ACACB: variants seen among roughly 807,000 people sequenced by gnomAD.
ACACB encodes acetyl-CoA carboxylase 2.
A neutral mutation model predicts 278.8 loss-of-function variants in ACACB; 209 were observed. That is an observed-to-expected ratio of 0.75 (90% CI 0.67 to 0.84). ACACB has a LOEUF of 0.84. ACACB is among the 40% of genes least tolerant of loss of function. ACACB has a pLI of 0.00. For synonymous variants in ACACB, 1,174 were observed against 1,285.6 expected, an observed-to-expected ratio of 0.91 and a Z score of 1.86; for missense variants, 2,850 against 3,269.0, an observed-to-expected ratio of 0.87 and a Z score of 3.13.
chr12:109,226,691 C>T (rs2046322126), intron 27 of ACACB, among the ~76,000 whole-genome samples: 1 of 139,726 alleles, frequency 7.2e-6, no homozygotes. Context: ...AAGAACAAAA[C>T]TCCATCTCAA....
At position 109,246,311 on chromosome 12, in the gene ACACB, CG is replaced by C; in HGVS notation, c.5437del (p.Ala1813HisfsTer52). 4 of 1,611,996 alleles carry C rather than the reference CG, an allele frequency of 2.5e-6. No homozygotes were observed. Among genetic ancestry groups the C allele is most frequent in the Non-Finnish European group, 3.4e-6 (4 of 1,179,574 alleles). On this transcript the variant is annotated frameshift_variant, in exon 39 of 53. Transcript: ENST00000338432. LOFTEE classifies it high-confidence loss of function. ...FGPGEDLLYL[R>X]ASEMARAEGI... ...CCCTGGAGAGGACCTTCTGTACCTG[CG>C]GGCATCCGAGATGGCCCGGGCAGAG... is the stretch of plus-strand genomic sequence containing the variant.
At chr12:109,144,738 T>TTC (rs2043197346) in intron 2 of ACACB, among the ~76,000 whole-genome samples, 3 of 118,334 alleles carry the variant, frequency 2.5e-5, no homozygotes, top group African/African-American at 6.4e-5. Context: ...TTCTTTTTCT[T>TTC]TTTCTTTCTT....
intron 2 of ACACB, among the ~76,000 whole-genome samples, chr12:109,151,244 A>G (rs1165301153): frequency 1.3e-5 from 2 of 152,004 alleles, no homozygotes; most frequent in Non-Finnish European, 2.9e-5. Flanking sequence ...TGGCCTCCCA[A>G]AGTGCTGGGA....
chr12:109,252,153 C>T lies in ACACB; in HGVS notation c.5898C>T (p.Asn1966=). The change falls in exon 42 of 53, where the codon AAC becomes AAT. Residue 1966 remains asparagine, a synonymous_variant. Coordinates refer to ENST00000338432, the MANE Select transcript of ACACB (RefSeq NM_001093.4). ...HIILTGASAL[N]KVLGREVYTS... ...TCCTCACAGGAGCAAGTGCTCTCAA[C>T]AAGGTGACCAAAAAGGGGCCTGTGC... The T allele has an allele frequency of 6.2e-7, 1 of 1,607,262 alleles. No homozygotes were observed.
intron 19 of ACACB, among the ~76,000 whole-genome samples, chr12:109,202,138 C>T (rs1317449637): frequency 6.6e-6 from 1 of 152,078 alleles, no homozygotes; most frequent in East Asian, 1.9e-4. Context: ...AATGTCTTCC[C>T]CTCAATGAGG....
rs558809374 is a variant in ACACB, at chr12:109,164,395, G to C, written c.654-2466G>C. On this transcript the variant is annotated intron_variant, in intron 2 of 52. Transcript: ENST00000338432. ...TTACAGGTGCACAACTCTGTGTCTG[G>C]ATAACTTCTGTATTTTTAGTAGAGA... is the stretch of plus-strand genomic sequence containing the variant. Among the ~76,000 whole-genome samples the C allele has an allele frequency of 3.3e-5, 5 of 152,138 alleles. No individual in the cohort carries two copies. In the South Asian group the frequency reaches 1.0e-3, roughly 32 times the overall value.
intron 42 of ACACB, 114 bp from the exon 43 acceptor site, chr12:109,252,901 C>T (rs2047133274): frequency 9.4e-7 from 1 of 1,067,554 alleles, no homozygotes; most frequent in Non-Finnish European, 1.3e-6. Context: ...TTTGTGAAAT[C>T]TCCTGGGTGA....
At chr12:109,257,224 A>G (rs1019364941) in intron 45 of ACACB, among the ~76,000 whole-genome samples, 1 of 152,112 alleles carries the variant, frequency 6.6e-6, no homozygotes, top group Non-Finnish European at 1.5e-5. Flanking sequence ...CAGTGAGCCG[A>G]GATTGCGCCA....
In ACACB at chr12:109,258,415, G is replaced by A. The variant is rs1216405029; in HGVS notation, c.6360+51G>A. ...CTGGTTTAGCCAGCGGTACTGTCGA[G>A]AGTGGGTCCTGGGCGTGGGGGTCCC... On this transcript the variant is annotated intron_variant, in intron 46 of 52. Transcript: ENST00000338432. 78 of 1,506,118 alleles carry A rather than the reference G, an allele frequency of 5.2e-5. 1 individual carries two copies. In the Admixed American group the frequency reaches 1.4e-3, roughly 27 times the overall value. 93.3% of individuals were successfully genotyped at this position (1,506,118 alleles called of 1,614,324 possible).
chr12:109,262,296 T>G, intron 48 of ACACB, 61 bp from the exon 49 acceptor site: 3 of 1,358,720 alleles, frequency 2.2e-6, no homozygotes, highest in Non-Finnish European at 3.1e-6. Flanking sequence ...CCCACATCCA[T>G]TAGCCCTTGC....
chr12:109,265,329 G>A (rs969185762), intron 51 of ACACB, 49 bp downstream of exon 51: 4 of 1,610,324 alleles, frequency 2.5e-6, no homozygotes, highest in African/African-American at 2.7e-5. Flanking sequence ...GGTGCTGGGG[G>A]CTGAGACAGC....
Position 109,267,967 on chromosome 12 carries a change from A to G in ACACB, c.*1605A>G, listed in dbSNP as rs1024894301. 6.6e-6 allele frequency: 1 copy of G among 150,934 alleles called. No individual in the cohort carries two copies. The highest frequency in any genetic ancestry group is 1.5e-5 in the Non-Finnish European group (1 of 67,968). 9.3% of individuals were successfully genotyped at this position (150,934 alleles called of 1,614,324 possible). A position where few individuals can be genotyped will look rare whatever the true frequency, so the allele number is the denominator to read the frequency against. Reference sequence around the variant, plus strand: ...AAGTTGAAAAAGACAAAATCTGACCATCAGCCAGTGACAGTCCTGGCAAAT... The same window carrying G: ...AAGTTGAAAAAGACAAAATCTGACCGTCAGCCAGTGACAGTCCTGGCAAAT... On this transcript the variant is annotated 3_prime_UTR_variant, in exon 53 of 53. Coordinates refer to ENST00000338432, the MANE Select transcript of ACACB (RefSeq NM_001093.4).
At chr12:109,158,631 G>A (rs773882029) in intron 2 of ACACB, among the ~76,000 whole-genome samples, 15 of 151,916 alleles carry the variant, frequency 9.9e-5, no homozygotes, top group Non-Finnish European at 1.9e-4. Context: ...AACTATTTTT[G>A]CACCACTGCA....
chr12:109,246,594 G>T (rs1400232681), intron 39 of ACACB, 146 bp downstream of exon 39: 6 of 982,196 alleles, frequency 6.1e-6, no homozygotes, highest in Non-Finnish European at 7.4e-6. Context: ...CAGGCATACA[G>T]TGTATCAGTG....
At chr12:109,255,370 C>T (rs1469542538) in intron 44 of ACACB, among the ~76,000 whole-genome samples, 1 of 152,208 alleles carries the variant, frequency 6.6e-6, no homozygotes. Flanking sequence ...TGCTAGACTC[C>T]AGCCAGTGCA....
chr12:109,230,234 C>T (rs11833565), intron 28 of ACACB, among the ~76,000 whole-genome samples: 2 of 152,130 alleles, frequency 1.3e-5, no homozygotes, highest in Non-Finnish European at 2.9e-5. Flanking sequence ...GGCTTCCCCA[C>T]GAGGCACTGC....
intron 2 of ACACB, among the ~76,000 whole-genome samples, chr12:109,148,612 T>C (rs2043298339): frequency 6.6e-6 from 1 of 152,232 alleles, no homozygotes; most frequent in Non-Finnish European, 1.5e-5. Flanking sequence ...GAAATATTAA[T>C]ATGATAATGT....
At position 109,166,966 on chromosome 12, in the gene ACACB, C is replaced by T. The variant is rs1239127126; in HGVS notation, c.759C>T (p.Arg253=). ...CTTCTCCCGCTGAGTTTGTCACACG[C>T]TTTGGGGGGGATCGGGTCATCGAGA... ...TVASPAEFVT[R]FGGDRVIEKV... The change falls in exon 3 of 53, where the codon CGC becomes CGT. Residue 253 remains arginine (R), a synonymous_variant. Transcript: ENST00000338432. 3.1e-6 allele frequency: 5 copies of T among 1,613,850 alleles called. No individual in the cohort carries two copies. The highest frequency in any genetic ancestry group is 4.2e-6 in the Non-Finnish European group (5 of 1,180,022).
chr12:109,185,879 A>T, intron 12 of ACACB, 139 bp downstream of exon 12: 2 of 723,188 alleles, frequency 2.8e-6, no homozygotes, highest in Non-Finnish European at 4.3e-6. Context: ...AGGCATGGGA[A>T]GGGACATCCC....
Sources: allele counts gnomAD v4.1 joint callset (sites outside exome capture counted in the v4.1 genomes callset), GRCh38; gene constraint gnomAD v4.1.1; transcripts MANE v1.5; gene names NCBI Gene and HGNC (gene_info 2026-07-23, HGNC 2026-07-21).